SUFU: variants seen among roughly 807,000 people sequenced by gnomAD.
The protein encoded by SUFU is suppressor of fused homolog.
In SUFU, 7 loss-of-function variants were observed where a neutral mutation model predicts 58.9. That is an observed-to-expected ratio of 0.12 (90% CI 0.07 to 0.22). The LOEUF is 0.22. Ranked by LOEUF, SUFU falls within the 10% of genes least tolerant of loss-of-function variation. The pLI is 1.00. For synonymous variants in SUFU, 232 were observed against 254.8 expected, an observed-to-expected ratio of 0.91 and a Z score of 0.85; for missense variants, 451 against 641.3, an observed-to-expected ratio of 0.70 and a Z score of 3.20.
At chr10:102,581,759 A>C (rs1229741457) in intron 3 of SUFU, among the ~76,000 whole-genome samples, 4 of 152,186 alleles carry the variant, frequency 2.6e-5, no homozygotes, top group African/African-American at 9.7e-5. Context: ...CATTTTGGGA[A>C]AGAACTGCTA....
chr10:102,548,207 A>T (rs546081883), intron 2 of SUFU, among the ~76,000 whole-genome samples: 71 of 152,292 alleles, frequency 4.7e-4, no homozygotes, highest in Non-Finnish European at 8.2e-4. Context: ...AGATACATAC[A>T]TACATAGAGT....
At chr10:102,618,965 T>TGTGTGTGTGG in intron 10 of SUFU, 1 of 867,130 alleles carries the variant, frequency 1.2e-6, no homozygotes. Context: ...TGTGTGTGTG[T>TGTGTGTGTGG]GTGTGTGTGT....
chr10:102,591,269 G>A (rs1042539381), intron 3 of SUFU, among the ~76,000 whole-genome samples: 6 of 152,292 alleles, frequency 3.9e-5, no homozygotes, highest in South Asian at 4.1e-4. Flanking sequence ...GGGAGGCCGA[G>A]GAGGGCGGAT....
intron 9 of SUFU, 104 bp downstream of exon 9, chr10:102,615,506 C>G (rs571986298): frequency 1.3e-6 from 2 of 1,555,754 alleles, no homozygotes; most frequent in African/African-American, 1.4e-5. Context: ...CAGGCGTCCT[C>G]CAGGGCCTCC....
At chr10:102,508,917 A>G (rs2062363298) in intron 1 of SUFU, among the ~76,000 whole-genome samples, 1 of 152,188 alleles carries the variant, frequency 6.6e-6, no homozygotes, top group African/African-American at 2.4e-5. Flanking sequence ...GTAACCATCC[A>G]GTCTGTTTTA....
intron 3 of SUFU, among the ~76,000 whole-genome samples, chr10:102,572,259 A>G (rs2063169767): frequency 7.2e-6 from 1 of 139,838 alleles, no homozygotes; most frequent in Admixed American, 7.5e-5. Flanking sequence ...TAATTTTAGT[A>G]GAGGACGGGT....
chr10:102,593,662 A>G lies in SUFU; in HGVS notation c.624A>G (p.Leu208=), dbSNP rs761722899. ...TCGTTGGTGTCTGCACTGAAGAGCT[A>G]CACTCAGCCCAGCAGTGGAACGGGC... ...LQIVGVCTEE[L]HSAQQWNGQG... The change falls in exon 5 of 12, where the codon CTA becomes CTG. Residue 208 remains leucine, a synonymous_variant. Transcript: ENST00000369902. 2.5e-6 allele frequency: 4 copies of G among 1,614,170 alleles called. No homozygotes were observed. The highest frequency in any genetic ancestry group is 3.4e-6 in the Non-Finnish European group (4 of 1,180,012).
At chr10:102,507,760 T>G (rs1589973877) in intron 1 of SUFU, among the ~76,000 whole-genome samples, 1 of 152,230 alleles carries the variant, frequency 6.6e-6, no homozygotes, top group Admixed American at 6.5e-5. Flanking sequence ...TTTATTTGGT[T>G]GTTAGCTTTC....
At position 102,573,420 on chromosome 10, in the gene SUFU, G is replaced by T. The variant is rs532277126; in HGVS notation, c.455-19162G>T. 1.1e-4 allele frequency among the ~76,000 whole-genome samples: 16 copies of T among 152,354 alleles called. 2 individuals are homozygous for T. Among genetic ancestry groups the T allele is most frequent in the African/African-American group, 3.8e-4 (16 of 41,588 alleles). Reference sequence around the variant, plus strand: ...AATGGTGCAGCTGCTGTGGAAAATGGTCTGGTGCTTCTTCAGAAAGTTCAA... The same window carrying T: ...AATGGTGCAGCTGCTGTGGAAAATGTTCTGGTGCTTCTTCAGAAAGTTCAA... On this transcript the variant is annotated intron_variant, in intron 3 of 11. Transcript: ENST00000369902.
chr10:102,571,008 A>G (rs760032041), intron 3 of SUFU, among the ~76,000 whole-genome samples: 2 of 152,192 alleles, frequency 1.3e-5, no homozygotes, highest in Non-Finnish European at 2.9e-5. Flanking sequence ...AAAACCTTCA[A>G]GGTGTACAGT....
chr10:102,561,120 G>A (rs774531548), intron 3 of SUFU, among the ~76,000 whole-genome samples: 23 of 152,184 alleles, frequency 1.5e-4, no homozygotes, highest in Non-Finnish European at 2.2e-4. Flanking sequence ...TGGGATTACA[G>A]GCATAAGCAA....
At chr10:102,559,556 G>C (rs997010052) in intron 3 of SUFU, among the ~76,000 whole-genome samples, 1 of 152,198 alleles carries the variant, frequency 6.6e-6, no homozygotes. Flanking sequence ...TGCAATAAAT[G>C]TATCAGTAAC....
chr10:102,611,496 C>T (rs1339167746), intron 8 of SUFU, among the ~76,000 whole-genome samples: 1 of 152,208 alleles, frequency 6.6e-6, no homozygotes, highest in African/African-American at 2.4e-5. Flanking sequence ...CTCAGAAGTA[C>T]CCTCTCCCAA....
chr10:102,571,779 G>C (rs2063164001), intron 3 of SUFU, among the ~76,000 whole-genome samples: 1 of 152,180 alleles, frequency 6.6e-6, no homozygotes, highest in Non-Finnish European at 1.5e-5. Context: ...TAGGTCCTCT[G>C]GCCAGGGCCT....
At chr10:102,523,057 C>T (rs953080556) in intron 2 of SUFU, among the ~76,000 whole-genome samples, 1 of 152,070 alleles carries the variant, frequency 6.6e-6, no homozygotes, top group African/African-American at 2.4e-5. Flanking sequence ...TGTGACCAGG[C>T]CTGAGTTTGA....
intron 2 of SUFU, among the ~76,000 whole-genome samples, chr10:102,520,908 AT>A (rs1174462918): frequency 6.6e-6 from 1 of 152,042 alleles, no homozygotes; most frequent in Non-Finnish European, 1.5e-5. Flanking sequence ...TTTTTTGGCG[AT>A]TTTTAATTAA....
chr10:102,630,253 G>A lies in SUFU; in HGVS notation c.*98G>A. The A allele has an allele frequency of 8.9e-7, 1 of 1,118,890 alleles. No homozygotes were observed. The highest frequency in any genetic ancestry group is 1.2e-5 in the South Asian group (1 of 80,466). 69.3% of individuals were successfully genotyped at this position (1,118,890 alleles called of 1,614,324 possible). A position where few individuals can be genotyped will look rare whatever the true frequency, so the allele number is the denominator to read the frequency against. On this transcript the variant is annotated 3_prime_UTR_variant, in exon 12 of 12. Coordinates refer to ENST00000369902, the MANE Select transcript of SUFU (RefSeq NM_016169.4). ...TCAACGAGATCTCCACAAATAAAAGGACAAGTGTGAGGAAGACTGCGCAGT... is the reference window on the plus strand; with the variant it reads ...TCAACGAGATCTCCACAAATAAAAGAACAAGTGTGAGGAAGACTGCGCAGT...
chr10:102,577,715 C>G (rs1321924920), intron 3 of SUFU, among the ~76,000 whole-genome samples: 1 of 141,218 alleles, frequency 7.1e-6, no homozygotes, highest in Non-Finnish European at 1.5e-5. Flanking sequence ...TAGTCTCGCT[C>G]TGTTGCCCAG....
In SUFU at chr10:102,506,658, C is replaced by T. The variant is rs188036075; in HGVS notation, c.182+2324C>T. 1.8e-4 allele frequency among the ~76,000 whole-genome samples: 27 copies of T among 152,256 alleles called. No individual in the cohort carries two copies. The East Asian group carries it at 4.4e-3, about 25-fold the overall frequency. On this transcript the variant is annotated intron_variant, in intron 1 of 11. Transcript: ENST00000369902. ...CCTCCCAAAGTGCTAGGATTACAGGCGTGAGCCAGTGCGACCAGCCATCAG... is the reference window on the plus strand; with the variant it reads ...CCTCCCAAAGTGCTAGGATTACAGGTGTGAGCCAGTGCGACCAGCCATCAG...
Sources: allele counts gnomAD v4.1 joint callset (sites outside exome capture counted in the v4.1 genomes callset), GRCh38; gene constraint gnomAD v4.1.1; transcripts MANE v1.5; gene names NCBI Gene and HGNC (gene_info 2026-07-23, HGNC 2026-07-21).